Variants in PCDH15 observed in about 807,000 individuals in gnomAD.
PCDH15 encodes the protein protocadherin-15.
Under a neutral mutation model 178.5 loss-of-function variants are expected in PCDH15, and 129 were observed. That is an observed-to-expected ratio of 0.72 (90% confidence interval 0.63 to 0.84). PCDH15 has a LOEUF of 0.84. PCDH15 is among the 40% of genes least tolerant of loss of function. PCDH15 has a pLI of 0.00. For missense variants in PCDH15, 2,230 were observed against 2,099.9 expected (o/e 1.06, Z -1.21); for synonymous variants, 800 against 732.0 (o/e 1.09, Z -1.50).
intron 1 of PCDH15, among the ~76,000 whole-genome samples, chr10:55,195,706 A>G (rs2132152106): frequency 6.6e-6 from 1 of 151,870 alleles, no homozygotes; most frequent in South Asian, 2.1e-4. Flanking sequence ...AGATTTAAAC[A>G]AAATGTATAT....
intron 18 of PCDH15, among the ~76,000 whole-genome samples, chr10:54,058,689 TCTTTCTTTC>T (rs1158896980): frequency 1.2e-5 from 1 of 84,284 alleles, no homozygotes; most frequent in African/African-American, 5.2e-5. Context: ...TTTCTTTCTT[TCTTTCTTTC>T]TTTTTTTTTT....
chr10:54,036,266 G>GTTT (rs2093414290), intron 18 of PCDH15, among the ~76,000 whole-genome samples: 1 of 151,974 alleles, frequency 6.6e-6, no homozygotes, highest in African/African-American at 2.4e-5. Context: ...AGATAAAACA[G>GTTT]TTTTCTATTA....
intron 26 of PCDH15, among the ~76,000 whole-genome samples, chr10:53,883,268 AATCC>A: frequency 6.6e-6 from 1 of 152,282 alleles, no homozygotes; most frequent in Non-Finnish European, 1.5e-5. Context: ...ATAGCTTTGT[AATCC>A]ATTTTTTTGT....
At chr10:54,157,867 T>A (rs1306294189) in intron 13 of PCDH15, among the ~76,000 whole-genome samples, 1 of 152,170 alleles carries the variant, frequency 6.6e-6, no homozygotes, top group Non-Finnish European at 1.5e-5. Flanking sequence ...GTTCCACAAA[T>A]CTCTAGAGCA....
intron 20 of PCDH15, among the ~76,000 whole-genome samples, chr10:54,006,235 T>G (rs1304234510): frequency 1.3e-5 from 2 of 152,164 alleles, no homozygotes; most frequent in African/African-American, 4.8e-5. Context: ...TAAAGATATT[T>G]TCTCCTGCTA....
At chr10:54,343,052 T>C (rs1411320901) in intron 6 of PCDH15, among the ~76,000 whole-genome samples, 1 of 152,210 alleles carries the variant, frequency 6.6e-6, no homozygotes. Flanking sequence ...CTTGGACTTT[T>C]GAGTTAATGC....
chr10:54,425,020 A>G (rs1008177195), intron 3 of PCDH15, among the ~76,000 whole-genome samples: 27 of 151,908 alleles, frequency 1.8e-4, no homozygotes, highest in East Asian at 5.8e-4. Context: ...AAAAAAAAAA[A>G]AAAAGAAAAG....
At chr10:54,588,748 A>G (rs1255876768) in intron 2 of PCDH15, among the ~76,000 whole-genome samples, 1 of 151,882 alleles carries the variant, frequency 6.6e-6, no homozygotes, top group Non-Finnish European at 1.5e-5. Flanking sequence ...GCTAATTTCT[A>G]TTTTTTGTAA....
intron 2 of PCDH15, among the ~76,000 whole-genome samples, chr10:55,551,790 A>G (rs1432935026): frequency 6.6e-6 from 1 of 151,752 alleles, no homozygotes; most frequent in Non-Finnish European, 1.5e-5. Flanking sequence ...GAGTATGTAC[A>G]TATTGCGAAA....
intron 1 of PCDH15, among the ~76,000 whole-genome samples, chr10:55,197,458 A>G (rs1412640356): frequency 6.6e-6 from 1 of 152,052 alleles, no homozygotes; most frequent in Admixed American, 6.5e-5. Context: ...TAAGTTTCAG[A>G]TTGAATAAGA....
At chr10:55,199,946 G>C (rs1394654351) in intron 1 of PCDH15, among the ~76,000 whole-genome samples, 2 of 152,136 alleles carry the variant, frequency 1.3e-5, no homozygotes, top group Non-Finnish European at 2.9e-5. Context: ...GAAATGCCTC[G>C]ATGTTCAGGC....
chr10:54,874,325 G>A (rs1954098493), intron 3 of PCDH15, among the ~76,000 whole-genome samples: 1 of 146,760 alleles, frequency 6.8e-6, no homozygotes, highest in Non-Finnish European at 1.5e-5. Flanking sequence ...TGGCTGCATA[G>A]TATTCCATGG....
intron 8 of PCDH15, among the ~76,000 whole-genome samples, chr10:54,285,600 A>G (rs918252606): frequency 3.9e-5 from 6 of 152,136 alleles, no homozygotes; most frequent in Non-Finnish European, 8.8e-5. Flanking sequence ...GAAAAGGGAA[A>G]CTCTATTACA....
intron 2 of PCDH15, among the ~76,000 whole-genome samples, chr10:55,567,316 CTA>C (rs1464150104): frequency 1.3e-5 from 2 of 151,562 alleles, no homozygotes; most frequent in Non-Finnish European, 2.9e-5. Flanking sequence ...AGGCCTAAAA[CTA>C]TAAACTCTTA....
At chr10:55,107,484 C>CTTT (rs11290952) in intron 2 of PCDH15, among the ~76,000 whole-genome samples, 169 of 86,216 alleles carry the variant, frequency 2.0e-3, no homozygotes, top group East Asian at 3.0e-3. Flanking sequence ...ATTCTCTTTC[C>CTTT]TTTTTTTTTT....
rs865801970 is a variant in PCDH15 at position 54,617,738 on chromosome 10, C to A, written c.91+46434G>T. On this transcript the variant is annotated intron_variant, in intron 2 of 37. Transcript: ENST00000644397. ...GACCAACCTGGCCAAGATGGTGAAA[C>A]CCCAACTCTAAAAATACAAAAAAAA... Among the ~76,000 whole-genome samples, 5 of 138,188 alleles carry A rather than the reference C, an allele frequency of 3.6e-5. 1 individual carries two copies. The highest frequency in any genetic ancestry group is 7.3e-3 in the Middle Eastern group (2 of 274). The allele number at this position is 138,188 out of a possible 152,430, so 90.7% of individuals were successfully genotyped here. A position where few individuals can be genotyped will look rare whatever the true frequency, so the allele number is the denominator to read the frequency against.
chr10:54,050,770 A>G (rs2093753950), intron 18 of PCDH15, among the ~76,000 whole-genome samples: 2 of 152,084 alleles, frequency 1.3e-5, no homozygotes, highest in South Asian at 4.1e-4. Flanking sequence ...GTGTTGTAAC[A>G]CTGTTTTTTA....
intron 1 of PCDH15, among the ~76,000 whole-genome samples, chr10:54,699,309 T>C (rs778893376): frequency 6.6e-6 from 1 of 152,114 alleles, no homozygotes; most frequent in Non-Finnish European, 1.5e-5. Flanking sequence ...AATTATTAGT[T>C]CATATGTTAC....
intron 11 of PCDH15, chr10:54,189,414 TTGTAAA>T (rs753741563): frequency 2.0e-6 from 3 of 1,465,854 alleles, no homozygotes; most frequent in Non-Finnish European, 1.8e-6. Context: ...GAAATAAATA[TTGTAAA>T]TGTAAATGAT....
Sources: gnomAD v4.1 joint callset for allele counts (sites outside exome capture counted in the v4.1 genomes callset) on GRCh38, gnomAD v4.1.1 for gene constraint, MANE v1.5 for transcripts, NCBI Gene and HGNC (gene_info 2026-07-23, HGNC 2026-07-21) for gene names.